Variants in BLNK observed in about 807,000 individuals in gnomAD.
The protein encoded by BLNK is B-cell linker protein.
A neutral mutation model predicts 73.5 loss-of-function variants in BLNK; 29 were observed. The ratio of observed to expected loss-of-function variants is 0.39; its 90% CI spans 0.29 to 0.54. The LOEUF (loss-of-function observed/expected upper bound fraction) is 0.54. Ranked by LOEUF, BLNK falls within the 20% of genes least tolerant of loss-of-function variation. The probability of loss-of-function intolerance (pLI) is 0.61; values close to 1 mark genes in which losing one functional copy is unlikely to be tolerated. For synonymous variants in BLNK, 176 were observed against 200.8 expected, an observed-to-expected ratio of 0.88 and a Z score of 1.04; for missense variants, 460 against 562.8, an observed-to-expected ratio of 0.82 and a Z score of 1.85.
At position 96,204,585 on chromosome 10, in the gene BLNK, C is replaced by T; in HGVS notation, c.849G>A (p.Gly283=). Residue 283 remains glycine (G), a synonymous_variant, in exon 12 of 17, where the codon GGG becomes GGA. Coordinates refer to ENST00000224337, the MANE Select transcript of BLNK (RefSeq NM_013314.4). ...GCACAGCTTCTTGTCTGTGACTTGA[C>T]CCTCGGTGGCGTTCAGCAGGTATAG... ...EKPIPAERHR[G]SSHRQEAVQS... 6.2e-7 allele frequency: 1 copy of T among 1,613,984 alleles called. No homozygotes were observed. Among genetic ancestry groups the T allele is most frequent in the East Asian group, 2.2e-5 (1 of 44,882 alleles).
In BLNK at chr10:96,200,112, C is replaced by T. The variant is rs1591297736; in HGVS notation, c.1058G>A (p.Arg353Gln). The T allele has an allele frequency of 1.2e-6, 2 of 1,614,082 alleles. No homozygotes were observed. The highest frequency in any genetic ancestry group is 1.7e-6 in the Non-Finnish European group (2 of 1,179,994). The part of the protein sequence containing the change: ...CKPWYAGACD[R>Q]KSAEEALHRS... Reference sequence around the variant, plus strand: ...GTGCAATGCCTCTTCAGCAGACTTTCGATCACAGGCTCCAGCATACCATGG... The same window carrying T: ...GTGCAATGCCTCTTCAGCAGACTTTTGATCACAGGCTCCAGCATACCATGG... Residue 353 changes from arginine (R) to glutamine (Q), a missense_variant, in exon 15 of 17, where the codon CGA becomes CAA. Around this residue, in one of 3 missense-constraint regions of BLNK, gnomAD observed 88 missense variants for 143.4 expected, o/e 0.61. Coordinates refer to ENST00000224337, the MANE Select transcript of BLNK (RefSeq NM_013314.4). This position sits in a 1 kb window ranked among gnomAD's most constrained non-coding sequence, Gnocchi z 4.3.
At chr10:96,196,345 G>A (rs2083464672) in intron 16 of BLNK, among the ~76,000 whole-genome samples, 1 of 152,138 alleles carries the variant, frequency 6.6e-6, no homozygotes, top group Admixed American at 6.5e-5. Flanking sequence ...ACTGAGATAT[G>A]GTAAGCACTG....
At chr10:96,223,263 A>G (rs1435501814) in intron 6 of BLNK, among the ~76,000 whole-genome samples, 3 of 152,210 alleles carry the variant, frequency 2.0e-5, no homozygotes, top group African/African-American at 7.2e-5. Flanking sequence ...AGGAAGAATC[A>G]GGGGAGAAGG....
intron 15 of BLNK, among the ~76,000 whole-genome samples, chr10:96,198,751 A>G (rs2083542504): frequency 1.3e-5 from 2 of 152,240 alleles, no homozygotes; most frequent in East Asian, 3.9e-4. Context: ...CAGGCTGGAG[A>G]GCAGTGGCAT....
intron 4 of BLNK, among the ~76,000 whole-genome samples, chr10:96,229,901 C>A (rs1235314472): frequency 2.0e-5 from 3 of 152,084 alleles, no homozygotes; most frequent in African/African-American, 7.2e-5. Context: ...GTGTGCACAG[C>A]CCAGGGCTGG....
intron 15 of BLNK, chr10:96,199,665 A>G (rs997302553): frequency 5.2e-6 from 2 of 387,106 alleles, no homozygotes; most frequent in Middle Eastern, 5.2e-4. Context: ...TTTAATTAGC[A>G]TATCATAAGG....
chr10:96,189,852 CTG>C lies in BLNK; in HGVS notation c.*2119_*2120del. On this transcript the variant is annotated 3_prime_UTR_variant, in exon 17 of 17. Coordinates refer to ENST00000224337, the MANE Select transcript of BLNK (RefSeq NM_013314.4). The stretch of plus-strand genomic sequence containing the variant: ...TCCTCCTCCTCTTCATCTTCTGACT[CTG>C]CATCTTCCTCCACAGCTACTAAATG... 1 of 1,215,948 alleles carries C rather than the reference CTG, an allele frequency of 8.2e-7. No homozygotes were observed. Among genetic ancestry groups the C allele is most frequent in the Admixed American group, 1.7e-5 (1 of 59,118 alleles). The allele number at this position is 1,215,948 out of a possible 1,614,324, so 75.3% of individuals were successfully genotyped here. A position where few individuals can be genotyped will look rare whatever the true frequency, so the allele number is the denominator to read the frequency against.
At chr10:96,270,783 G>T (rs1844237969) in intron 1 of BLNK, among the ~76,000 whole-genome samples, 3 of 152,126 alleles carry the variant, frequency 2.0e-5, no homozygotes, top group Admixed American at 2.0e-4. Flanking sequence ...ACGCCCATGG[G>T]GCCGCTTCTG....
chr10:96,236,499 G>T (rs997143440), intron 3 of BLNK, among the ~76,000 whole-genome samples: 8 of 152,302 alleles, frequency 5.3e-5, no homozygotes, highest in South Asian at 4.1e-4. Flanking sequence ...ATTCAGGCTG[G>T]CTGAGAGAGG....
At chr10:96,250,228 G>C (rs571538462) in intron 1 of BLNK, among the ~76,000 whole-genome samples, 10 of 152,198 alleles carry the variant, frequency 6.6e-5, no homozygotes, top group Non-Finnish European at 1.2e-4. Flanking sequence ...GGGTCCCTCA[G>C]ATGGGCCCTT....
chr10:96,234,787 A>G (rs1434635322), intron 3 of BLNK, among the ~76,000 whole-genome samples: 3 of 152,240 alleles, frequency 2.0e-5, no homozygotes, highest in Non-Finnish European at 4.4e-5. Flanking sequence ...TATGGCTACC[A>G]CAAAGGCATG....
chr10:96,204,216 GT>G, intron 12 of BLNK, 128 bp from the exon 13 acceptor site: 1 of 1,047,810 alleles, frequency 9.5e-7, no homozygotes, highest in Non-Finnish European at 1.5e-6. Context: ...CCAATAAAAT[GT>G]ATCTAAAGAT....
rs1269603510 is a variant in BLNK, at chr10:96,191,159, C to G, written c.*814G>C. Reference sequence around the variant, plus strand: ...CTTGCCTGCCACCATGTAAAACATGCCTTTGCTTCTTCTTTGCCTTCTGCC... The same window carrying G: ...CTTGCCTGCCACCATGTAAAACATGGCTTTGCTTCTTCTTTGCCTTCTGCC... On this transcript the variant is annotated 3_prime_UTR_variant, in exon 17 of 17. Coordinates refer to ENST00000224337, the MANE Select transcript of BLNK (RefSeq NM_013314.4). 4.0e-5 allele frequency among the ~76,000 whole-genome samples: 6 copies of G among 151,666 alleles called. No homozygotes were observed. The highest frequency in any genetic ancestry group is 2.1e-4 in the South Asian group (1 of 4,808).
intron 3 of BLNK, among the ~76,000 whole-genome samples, chr10:96,231,398 C>T (rs1554903980): frequency 6.6e-6 from 1 of 152,132 alleles, no homozygotes; most frequent in Non-Finnish European, 1.5e-5. Context: ...CAGAGCTTTG[C>T]CGTCTTTTAG....
chr10:96,248,887 T>G (rs1554908376), intron 1 of BLNK, among the ~76,000 whole-genome samples: 7 of 152,256 alleles, frequency 4.6e-5, no homozygotes, highest in Non-Finnish European at 1.0e-4. Flanking sequence ...TTTTAAAATA[T>G]TTGAATTTTT....
At chr10:96,246,596 G>T (rs1843054849) in intron 2 of BLNK, among the ~76,000 whole-genome samples, 1 of 152,136 alleles carries the variant, frequency 6.6e-6, no homozygotes, top group Non-Finnish European at 1.5e-5. Context: ...CCCAAAAAAA[G>T]GAAAACTCAC....
chr10:96,198,799 A>G (rs587748650), intron 15 of BLNK, among the ~76,000 whole-genome samples: 75 of 152,300 alleles, frequency 4.9e-4, no homozygotes, highest in African/African-American at 1.8e-3. Flanking sequence ...CCTAGGCCCA[A>G]CCGATTCTCC....
At chr10:96,229,407 C>T (rs587646719) in intron 4 of BLNK, among the ~76,000 whole-genome samples, 12 of 152,226 alleles carry the variant, frequency 7.9e-5, no homozygotes, top group African/African-American at 2.6e-4. Flanking sequence ...TTTCATTCTG[C>T]GTGCAGTGGG....
intron 11 of BLNK, among the ~76,000 whole-genome samples, chr10:96,206,208 C>G (rs2083803067): frequency 6.6e-6 from 1 of 152,132 alleles, no homozygotes. Flanking sequence ...CGCACATCAA[C>G]TCAGGGAAGA....
Sources: allele counts gnomAD v4.1 joint callset (sites outside exome capture counted in the v4.1 genomes callset), GRCh38; gene constraint gnomAD v4.1.1; regional missense constraint gnomAD v4.1.1; non-coding constraint Gnocchi (gnomAD v3.1); transcripts MANE v1.5; gene names NCBI Gene and HGNC (gene_info 2026-07-23, HGNC 2026-07-21).